Variants in ABI3BP observed in about 807,000 individuals in gnomAD.
ABI3BP encodes ABI family member 3 binding protein, also known as target of Nesh-SH3.
Under a neutral mutation model 268.6 loss-of-function variants are expected in ABI3BP, and 216 were observed. The ratio of observed to expected loss-of-function variants is 0.80; its 90% CI spans 0.72 to 0.90. The LOEUF (loss-of-function observed/expected upper bound fraction) is 0.90, where lower values mean the gene tolerates loss of function less well. ABI3BP is among the 40% of genes least tolerant of loss of function. ABI3BP has a pLI of 0.00. For synonymous variants in ABI3BP, 730 were observed against 730.0 expected (o/e 1.00, Z 0.00); for missense variants, 2,090 against 2,182.4 (o/e 0.96, Z 0.84).
In ABI3BP at chr3:100,750,280, C is replaced by A; in HGVS notation, c.*215G>T. ...AGCCAGCTTCCCCAAAAATGTTATT[C>A]TGTTAACATCAGTATCTTGCTTTCT... On this transcript the variant is annotated 3_prime_UTR_variant, in exon 68 of 68. Coordinates refer to ENST00000471714, the MANE Select transcript of ABI3BP (RefSeq NM_001375547.2). 2.5e-6 allele frequency: 1 copy of A among 396,814 alleles called. No homozygotes were observed. Among genetic ancestry groups the A allele is most frequent in the South Asian group, 6.3e-5 (1 of 15,966 alleles). The allele number at this position is 396,814 out of a possible 1,614,324, so 24.6% of individuals were successfully genotyped here.
At position 100,834,829 on chromosome 3, in the gene ABI3BP, A is replaced by T. The variant is rs2098550774; in HGVS notation, c.2192-56T>A. 10 of 1,469,304 alleles carry T rather than the reference A, an allele frequency of 6.8e-6. No individual in the cohort carries two copies. In the South Asian group the frequency reaches 1.1e-4, roughly 16 times the overall value. The allele number at this position is 1,469,304 out of a possible 1,614,324, so 91.0% of individuals were successfully genotyped here. On this transcript the variant is annotated intron_variant, in intron 28 of 67. Coordinates refer to ENST00000471714, the MANE Select transcript of ABI3BP (RefSeq NM_001375547.2). The stretch of plus-strand genomic sequence containing the variant: ...TATGACTCCAGAAACCAAAGAAAGG[A>T]TTACACATGGTTCTAGGTTTTCTAA...
chr3:100,805,569 G>A (rs1433252241), intron 50 of ABI3BP, among the ~76,000 whole-genome samples: 1 of 152,054 alleles, frequency 6.6e-6, no homozygotes, highest in Non-Finnish European at 1.5e-5. Context: ...TCACCATAAT[G>A]TTGGGAGGAA....
At chr3:100,950,210 G>A (rs1190798925) in intron 1 of ABI3BP, among the ~76,000 whole-genome samples, 1 of 152,114 alleles carries the variant, frequency 6.6e-6, no homozygotes, top group East Asian at 1.9e-4. Context: ...ACTGTCCCTA[G>A]CACGGTGCCT....
At chr3:100,776,394 G>A (rs1303036805) in intron 59 of ABI3BP, among the ~76,000 whole-genome samples, 1 of 152,152 alleles carries the variant, frequency 6.6e-6, no homozygotes, top group Non-Finnish European at 1.5e-5. Flanking sequence ...AGTCCACAAG[G>A]GCTTTCCAGA....
intron 1 of ABI3BP, among the ~76,000 whole-genome samples, chr3:100,941,441 C>T (rs1027603908): frequency 1.3e-5 from 2 of 152,068 alleles, no homozygotes; most frequent in Admixed American, 1.3e-4. Flanking sequence ...ACCCAGAAGA[C>T]GGTTACTTTC....
At chr3:100,886,083 T>C (rs2153406398) in intron 5 of ABI3BP, 59 bp downstream of exon 5, 1 of 1,327,968 alleles carries the variant, frequency 7.5e-7, no homozygotes, top group African/African-American at 1.5e-5. Flanking sequence ...AATTAAAAAT[T>C]AGGTAACTAA....
chr3:100,949,837 T>C (rs1470460447), intron 1 of ABI3BP, among the ~76,000 whole-genome samples: 1 of 152,180 alleles, frequency 6.6e-6, no homozygotes, highest in Non-Finnish European at 1.5e-5. Context: ...TGGAACATAA[T>C]GGGCCACACA....
At chr3:100,988,970 T>C (rs1394936672) in intron 1 of ABI3BP, among the ~76,000 whole-genome samples, 2 of 152,224 alleles carry the variant, frequency 1.3e-5, no homozygotes, top group Non-Finnish European at 2.9e-5. Flanking sequence ...ACCTGCTTCA[T>C]AGGTACTATA....
At chr3:100,914,318 C>G (rs996354837) in intron 2 of ABI3BP, 1 of 323,444 alleles carries the variant, frequency 3.1e-6, no homozygotes, top group Non-Finnish European at 6.3e-6. Flanking sequence ...ACAGAACACT[C>G]TGTTATGCCC....
At chr3:100,947,181 A>G in intron 1 of ABI3BP, among the ~76,000 whole-genome samples, 1 of 152,166 alleles carries the variant, frequency 6.6e-6, no homozygotes, top group East Asian at 1.9e-4. Flanking sequence ...CATACCTGAT[A>G]TATCTCATTA....
chr3:100,750,412 A>G lies in ABI3BP; in HGVS notation c.*83T>C, dbSNP rs757974579. 73 of 1,088,092 alleles carry G rather than the reference A, an allele frequency of 6.7e-5. No individual in the cohort carries two copies. The highest frequency in any genetic ancestry group is 9.0e-5 in the Non-Finnish European group (66 of 732,130). The allele number at this position is 1,088,092 out of a possible 1,614,324, so 67.4% of individuals were successfully genotyped here. Reference sequence around the variant, plus strand: ...TGTAGACTTTTATACATAGTAAACAAAATAGCTTTAAATGAATGCGGCATA... The same window carrying G: ...TGTAGACTTTTATACATAGTAAACAGAATAGCTTTAAATGAATGCGGCATA... On this transcript the variant is annotated 3_prime_UTR_variant, in exon 68 of 68. Coordinates refer to ENST00000471714, the MANE Select transcript of ABI3BP (RefSeq NM_001375547.2).
At chr3:100,779,864 G>T (rs1447951547) in intron 58 of ABI3BP, among the ~76,000 whole-genome samples, 1 of 152,110 alleles carries the variant, frequency 6.6e-6, no homozygotes, top group Non-Finnish European at 1.5e-5. Context: ...GTCCATTATG[G>T]TCCCTCAGAA....
chr3:100,787,636 GA>G, intron 57 of ABI3BP, 91 bp downstream of exon 57: 1 of 1,100,518 alleles, frequency 9.1e-7, no homozygotes, highest in Non-Finnish European at 1.2e-6. Flanking sequence ...TGGTAAAAAG[GA>G]AATTAAAATG....
At chr3:100,782,662 A>G (rs180788088) in intron 57 of ABI3BP, among the ~76,000 whole-genome samples, 34 of 152,226 alleles carry the variant, frequency 2.2e-4, no homozygotes, top group Admixed American at 2.1e-3. Context: ...AGAACTGGAG[A>G]GACTAGTGAA....
chr3:100,835,515 G>A, intron 28 of ABI3BP, 86 bp downstream of exon 28: 1 of 1,031,122 alleles, frequency 9.7e-7, no homozygotes, highest in Non-Finnish European at 1.4e-6. Flanking sequence ...TCTTATGAAA[G>A]AAAAAACCCT....
At chr3:100,755,571 C>T (rs980283908) in intron 63 of ABI3BP, among the ~76,000 whole-genome samples, 1 of 152,184 alleles carries the variant, frequency 6.6e-6, no homozygotes, top group Non-Finnish European at 1.5e-5. Context: ...CCCAAACAAC[C>T]CTAGGTCCCT....
chr3:100,926,674 A>G (rs1016387283), intron 1 of ABI3BP, among the ~76,000 whole-genome samples, 193 bp from the exon 2 acceptor site: 12 of 152,210 alleles, frequency 7.9e-5, no homozygotes, highest in Non-Finnish European at 1.6e-4. Flanking sequence ...TAGAATAAAA[A>G]GTATATCTTA....
intron 1 of ABI3BP, among the ~76,000 whole-genome samples, chr3:100,968,392 G>C (rs1035871188): frequency 6.6e-6 from 1 of 152,164 alleles, no homozygotes; most frequent in Non-Finnish European, 1.5e-5. Flanking sequence ...AATAAGAAAT[G>C]TATACAGCTA....
intron 1 of ABI3BP, among the ~76,000 whole-genome samples, chr3:100,963,728 C>T (rs532797767): frequency 6.6e-6 from 1 of 152,314 alleles, no homozygotes; most frequent in African/African-American, 2.4e-5. Flanking sequence ...CACTGGCCAG[C>T]TGTTATTTCC....
Sources: allele counts gnomAD v4.1 joint callset (sites outside exome capture counted in the v4.1 genomes callset), GRCh38; gene constraint gnomAD v4.1.1; transcripts MANE v1.5; gene names NCBI Gene and HGNC (gene_info 2026-07-23, HGNC 2026-07-21).